Variants in SYNE1 observed in about 807,000 individuals in gnomAD.
SYNE1 encodes nesprin-1.
SYNE1 carries 616 observed loss-of-function variants against 1,111.0 expected under a neutral mutation model. The observed-to-expected ratio is 0.55, with a 90% CI of 0.52 to 0.59. SYNE1 has a LOEUF of 0.59. Ranked by LOEUF, SYNE1 falls within the 20% of genes least tolerant of loss-of-function variation. The probability of loss-of-function intolerance (pLI) is 0.00; values close to 1 mark genes in which losing one functional copy is unlikely to be tolerated. For missense variants in SYNE1, 10,006 were observed against 10,417.0 expected, an observed-to-expected ratio of 0.96 and a Z score of 1.72; for synonymous variants, 3,855 against 3,825.8, an observed-to-expected ratio of 1.01 and a Z score of -0.28.
intron 116 of SYNE1, among the ~76,000 whole-genome samples, chr6:152,225,295 A>ATG (rs2081303159): frequency 2.4e-5 from 3 of 123,136 alleles, no homozygotes; most frequent in African/African-American, 9.8e-5. Context: ...ACACACACAC[A>ATG]CACACACGCA....
intron 28 of SYNE1, among the ~76,000 whole-genome samples, chr6:152,448,869 C>CAA (rs1428061908): frequency 1.5e-4 from 23 of 151,810 alleles, no homozygotes; most frequent in African/African-American, 4.4e-4. Flanking sequence ...AACAAACAAA[C>CAA]ACTCAAAGGA....
At chr6:152,211,636 G>C in intron 123 of SYNE1, 48 bp from the exon 124 acceptor site, 1 of 1,505,196 alleles carries the variant, frequency 6.6e-7, no homozygotes, top group East Asian at 2.3e-5. Context: ...CCTAATTTTA[G>C]TGATCGGTTC....
intron 130 of SYNE1, 76 bp from the exon 131 acceptor site, chr6:152,164,401 A>G: frequency 1.3e-6 from 2 of 1,556,430 alleles, no homozygotes; most frequent in South Asian, 2.2e-5. Context: ...AGAGGAGAAC[A>G]CTGGGCTTTA....
chr6:152,443,555 T>C (rs56263396), intron 30 of SYNE1, among the ~76,000 whole-genome samples: 21,843 of 152,212 alleles, frequency 0.14, 1,966 homozygotes, highest in Non-Finnish European at 0.18. Flanking sequence ...TGAGCCACCG[T>C]GCCCGGCCTA....
At chr6:152,198,185 C>T (rs2074579082) in intron 127 of SYNE1, among the ~76,000 whole-genome samples, 1 of 152,172 alleles carries the variant, frequency 6.6e-6, no homozygotes, top group Admixed American at 6.5e-5. Flanking sequence ...TGCTGCTTCA[C>T]CTTGCACTTT....
chr6:152,633,563 C>A (rs2099701456), intron 2 of SYNE1, among the ~76,000 whole-genome samples: 1 of 151,770 alleles, frequency 6.6e-6, no homozygotes, highest in Non-Finnish European at 1.5e-5. Context: ...CCATCTGCTG[C>A]ATTTTTTTTT....
intron 3 of SYNE1, among the ~76,000 whole-genome samples, chr6:152,585,135 A>G (rs906245426): frequency 3.9e-5 from 6 of 152,080 alleles, no homozygotes; most frequent in Admixed American, 1.3e-4. Flanking sequence ...CTTTTCCCCT[A>G]TTGCTCGGCA....
chr6:152,291,817 A>T (rs1365582427), intron 95 of SYNE1, among the ~76,000 whole-genome samples: 1 of 152,162 alleles, frequency 6.6e-6, no homozygotes, highest in Non-Finnish European at 1.5e-5. Context: ...TTTCTGCAAC[A>T]TCGTCATCTG....
At chr6:152,492,640 C>T (rs2098977159) in intron 11 of SYNE1, among the ~76,000 whole-genome samples, 1 of 152,230 alleles carries the variant, frequency 6.6e-6, no homozygotes, top group Admixed American at 6.5e-5. Flanking sequence ...GCCCAAGGCT[C>T]TCTGACTGAC....
At chr6:152,477,061 A>G (rs1299612720) in intron 14 of SYNE1, among the ~76,000 whole-genome samples, 1 of 152,188 alleles carries the variant, frequency 6.6e-6, no homozygotes, top group Non-Finnish European at 1.5e-5. Flanking sequence ...GAACAATTTT[A>G]TGCTAATAAT....
rs573664939 is a variant in SYNE1 at position 152,619,109 on chromosome 6, T to C, written c.67+9156A>G. Among the ~76,000 whole-genome samples the C allele has an allele frequency of 3.3e-5, 5 of 152,110 alleles. No individual in the cohort carries two copies. In the East Asian group the frequency reaches 9.7e-4, roughly 29 times the overall value. Reference sequence around the variant, plus strand: ...CCTCATTAGCCCCAATCTGAAAGAATATAAAAGAGAATAATAATAACCTGG... The same window carrying C: ...CCTCATTAGCCCCAATCTGAAAGAACATAAAAGAGAATAATAATAACCTGG... On this transcript the variant is annotated intron_variant, in intron 3 of 145. Transcript: ENST00000367255.
chr6:152,239,828 G>C lies in SYNE1; in HGVS notation c.19894-122C>G, dbSNP rs983419634. 3 of 1,030,818 alleles carry C rather than the reference G, an allele frequency of 2.9e-6. No homozygotes were observed. In the African/African-American group the frequency reaches 4.7e-5, roughly 16 times the overall value. The allele number at this position is 1,030,818 out of a possible 1,614,324, so 63.9% of individuals were successfully genotyped here. A position where few individuals can be genotyped will look rare whatever the true frequency, so the allele number is the denominator to read the frequency against. On this transcript the variant is annotated intron_variant, in intron 107 of 145. Coordinates refer to ENST00000367255, the MANE Select transcript of SYNE1 (RefSeq NM_182961.4). Reference sequence around the variant, plus strand: ...AATCCCAACAGTTGGGGAGGCTGAAGTGGGTGGATTACCTGAGGTCAAGAG... The same window carrying C: ...AATCCCAACAGTTGGGGAGGCTGAACTGGGTGGATTACCTGAGGTCAAGAG...
At chr6:152,300,498 T>C in intron 93 of SYNE1, 143 bp downstream of exon 93, 1 of 1,179,610 alleles carries the variant, frequency 8.5e-7, no homozygotes, top group Non-Finnish European at 1.2e-6. Flanking sequence ...TCATAGTTTG[T>C]GCAACTATAA....
intron 57 of SYNE1, 36 bp downstream of exon 57, chr6:152,376,739 TA>T: frequency 6.2e-7 from 1 of 1,612,358 alleles, no homozygotes. Flanking sequence ...CTAATTTGTA[TA>T]AAAATATCTT....
chr6:152,393,983 C>G (rs2097690234), intron 51 of SYNE1, among the ~76,000 whole-genome samples: 1 of 152,162 alleles, frequency 6.6e-6, no homozygotes, highest in Non-Finnish European at 1.5e-5. Context: ...CCTAAGCCCC[C>G]ATCCCCTGAC....
At chr6:152,465,508 C>T (rs751528154) in intron 17 of SYNE1, 48 bp from the exon 18 acceptor site, 1 of 1,543,116 alleles carries the variant, frequency 6.5e-7, no homozygotes, top group Admixed American at 1.8e-5. Context: ...ATTTTAAATC[C>T]TCTACACCTT....
intron 29 of SYNE1, among the ~76,000 whole-genome samples, chr6:152,446,404 CTAATT>C (rs1219739226): frequency 6.6e-6 from 1 of 152,096 alleles, no homozygotes; most frequent in Non-Finnish European, 1.5e-5. Flanking sequence ...TAGGGAAACT[CTAATT>C]TATATATAAA....
chr6:152,456,147 T>C, intron 22 of SYNE1, 103 bp from the exon 23 acceptor site: 1 of 1,271,296 alleles, frequency 7.9e-7, no homozygotes, highest in Non-Finnish European at 1.1e-6. Flanking sequence ...ATTATATAGC[T>C]TTTAGGCTTC....
intron 137 of SYNE1, chr6:152,143,993 A>G: frequency 3.5e-6 from 2 of 571,754 alleles, no homozygotes; most frequent in Non-Finnish European, 6.2e-6. Context: ...GGACGTCGCA[A>G]AACGGCTCTC....
Sources: gnomAD v4.1 joint callset for allele counts (sites outside exome capture counted in the v4.1 genomes callset) on GRCh38, gnomAD v4.1.1 for gene constraint, MANE v1.5 for transcripts, NCBI Gene and HGNC (gene_info 2026-07-23, HGNC 2026-07-21) for gene names.